The following PPARGC1A variants were observed in gnomAD, a reference collection of about 807,000 sequenced individuals.
The protein encoded by PPARGC1A is PPARG coactivator 1 alpha.
A neutral mutation model predicts 88.7 loss-of-function variants in PPARGC1A; 25 were observed. The observed-to-expected ratio is 0.28, with a 90% CI of 0.21 to 0.39. PPARGC1A has a LOEUF of 0.39. Among genes scored for constraint, PPARGC1A ranks in the 10% least tolerant of loss-of-function variants. The pLI is 1.00. For missense variants in PPARGC1A, 880 were observed against 968.7 expected (o/e 0.91, Z 1.22); for synonymous variants, 363 against 355.6 (o/e 1.02, Z -0.24).
chr4:24,378,021 A>T, the PPARGC1A span, among the ~76,000 whole-genome samples: 1 of 152,206 alleles, frequency 6.6e-6, no homozygotes, highest in African/African-American at 2.4e-5. Context: ...TAAACAACAC[A>T]TGATGAAATC....
the PPARGC1A span, among the ~76,000 whole-genome samples, chr4:24,472,172 A>C: frequency 6.6e-6 from 1 of 152,166 alleles, no homozygotes; most frequent in African/African-American, 2.4e-5. The surrounding 1 kb of genome is among the most constrained non-coding windows in gnomAD (Gnocchi z 4.5). Flanking sequence ...GGAACGCGAC[A>C]GAACCTGGAG....
chr4:23,907,929 C>T (rs556528533), upstream of PPARGC1A, among the ~76,000 whole-genome samples: 2 of 152,170 alleles, frequency 1.3e-5, no homozygotes, highest in African/African-American at 4.8e-5. Flanking sequence ...GGGTGCCTTG[C>T]GCACATGGAG....
chr4:24,002,189 C>T, the PPARGC1A span, among the ~76,000 whole-genome samples: 786 of 151,978 alleles, frequency 5.2e-3, 8 homozygotes, highest in African/African-American at 0.018. Flanking sequence ...TGCAGTGGCA[C>T]GATCTCAGCT....
the PPARGC1A span, among the ~76,000 whole-genome samples, chr4:24,289,219 CAAAAAAAA>C: frequency 1.2e-5 from 1 of 82,774 alleles, no homozygotes; most frequent in African/African-American, 4.2e-5. Flanking sequence ...GACTCCGTCT[CAAAAAAAA>C]AAAAAAAAAA....
chr4:24,156,973 C>G, the PPARGC1A span, among the ~76,000 whole-genome samples: 1 of 152,118 alleles, frequency 6.6e-6, no homozygotes, highest in Non-Finnish European at 1.5e-5. Context: ...GTTCCCATCC[C>G]TTCGCTACTT....
chr4:24,107,819 G>T, the PPARGC1A span, among the ~76,000 whole-genome samples: 1 of 152,226 alleles, frequency 6.6e-6, no homozygotes, highest in Middle Eastern at 3.2e-3. Flanking sequence ...TCAAGCCTTT[G>T]CTATAGGATC....
At chr4:24,293,288 T>A in the PPARGC1A span, among the ~76,000 whole-genome samples, 1 of 466 alleles carries the variant, frequency 2.1e-3, no homozygotes, top group Non-Finnish European at 3.0e-3. Flanking sequence ...TCACCCCCAC[T>A]CCTGCCTGCA....
chr4:24,308,581 A>G, the PPARGC1A span, among the ~76,000 whole-genome samples: 1 of 152,138 alleles, frequency 6.6e-6, no homozygotes, highest in Non-Finnish European at 1.5e-5. Context: ...AGGCTGCTCA[A>G]GTTGAAAGGG....
At chr4:24,124,989 G>A in the PPARGC1A span, among the ~76,000 whole-genome samples, 2 of 152,068 alleles carry the variant, frequency 1.3e-5, no homozygotes, top group Non-Finnish European at 2.9e-5. Context: ...CTCCTTGAAT[G>A]TAAGAAAACA....
the PPARGC1A span, among the ~76,000 whole-genome samples, chr4:24,198,269 T>C: frequency 9.2e-5 from 14 of 152,346 alleles, no homozygotes; most frequent in African/African-American, 3.4e-4. Flanking sequence ...AAGCATAATA[T>C]GCATGCATGT....
At chr4:23,984,593 T>C in the PPARGC1A span, among the ~76,000 whole-genome samples, 12 of 152,124 alleles carry the variant, frequency 7.9e-5, no homozygotes, top group Admixed American at 5.2e-4. Context: ...TTAAAAATTG[T>C]CATATTAAGA....
At chr4:24,364,300 A>G in the PPARGC1A span, among the ~76,000 whole-genome samples, 1 of 152,198 alleles carries the variant, frequency 6.6e-6, no homozygotes. Context: ...CCTTTTCTCT[A>G]TGAATTAATA....
At chr4:24,432,168 G>C in the PPARGC1A span, among the ~76,000 whole-genome samples, 19 of 152,178 alleles carry the variant, frequency 1.2e-4, no homozygotes, top group African/African-American at 4.6e-4. Context: ...TAAAAGAGGG[G>C]GAAAGCAAAA....
intron 2 of PPARGC1A, among the ~76,000 whole-genome samples, chr4:23,853,361 A>G (rs1352495798): frequency 1.3e-5 from 2 of 152,224 alleles, no homozygotes; most frequent in Non-Finnish European, 2.9e-5. Context: ...GTGTTCTATT[A>G]CAATGGTCCA....
At chr4:24,186,614 T>C in the PPARGC1A span, among the ~76,000 whole-genome samples, 1 of 152,094 alleles carries the variant, frequency 6.6e-6, no homozygotes, top group Non-Finnish European at 1.5e-5. Flanking sequence ...GAGGAAGGGC[T>C]CCATAAACAT....
At chr4:24,173,338 C>CAAAAAAAAAAAA in the PPARGC1A span, among the ~76,000 whole-genome samples, 1 of 117,592 alleles carries the variant, frequency 8.5e-6, no homozygotes, top group Non-Finnish European at 1.8e-5. Flanking sequence ...CTTTCCCCAC[C>CAAAAAAAAAAAA]AAAAAAAAAA....
the PPARGC1A span, among the ~76,000 whole-genome samples, chr4:24,149,232 A>T: frequency 6.6e-6 from 1 of 152,202 alleles, no homozygotes; most frequent in Non-Finnish European, 1.5e-5. Flanking sequence ...TCTATCTTGC[A>T]TGGTGAATCA....
chr4:23,938,056 G>A, the PPARGC1A span, among the ~76,000 whole-genome samples: 2 of 152,028 alleles, frequency 1.3e-5, no homozygotes, highest in African/African-American at 2.4e-5. Context: ...GAGAGCCTTG[G>A]AGAGGCCAAA....
chr4:24,384,301 G>A, the PPARGC1A span, among the ~76,000 whole-genome samples: 2 of 152,054 alleles, frequency 1.3e-5, no homozygotes, highest in African/African-American at 2.4e-5. Context: ...AAAGACCATT[G>A]ATGCTAGGAA....
Sources: gnomAD v4.1 joint callset for allele counts (sites outside exome capture counted in the v4.1 genomes callset) on GRCh38, gnomAD v4.1.1 for gene constraint, Gnocchi (gnomAD v3.1) non-coding constraint, MANE v1.5 for transcripts, NCBI Gene and HGNC (gene_info 2026-07-23, HGNC 2026-07-21) for gene names.